Variants in RABGAP1L observed in about 807,000 individuals in gnomAD.
The protein encoded by RABGAP1L is RAB GTPase activating protein 1 like, also known as rab GTPase-activating protein 1-like.
RABGAP1L carries 63 observed loss-of-function variants against 137.7 expected under a neutral mutation model. The ratio of observed to expected loss-of-function variants is 0.46; its 90% CI spans 0.37 to 0.56. The LOEUF (loss-of-function observed/expected upper bound fraction) is 0.56. Among genes scored for constraint, RABGAP1L ranks in the 20% least tolerant of loss-of-function variants. RABGAP1L has a pLI of 0.00. For missense variants in RABGAP1L, 1,095 were observed against 1,244.0 expected (o/e 0.88, Z 1.80); for synonymous variants, 431 against 433.7 (o/e 0.99, Z 0.08).
chr1:174,842,078 A>G (rs1693472567), intron 19 of RABGAP1L, among the ~76,000 whole-genome samples: 1 of 152,208 alleles, frequency 6.6e-6, no homozygotes, highest in South Asian at 2.1e-4. Context: ...TCTCAAAAGA[A>G]TTATTATGTT....
At chr1:174,248,232 G>A (rs1195728173) in intron 5 of RABGAP1L, among the ~76,000 whole-genome samples, 2 of 152,098 alleles carry the variant, frequency 1.3e-5, no homozygotes, top group Non-Finnish European at 1.5e-5. Context: ...CCATCCCCAA[G>A]CACATTCAAC....
chr1:174,859,484 A>G (rs1558158215), intron 19 of RABGAP1L, among the ~76,000 whole-genome samples: 1 of 151,500 alleles, frequency 6.6e-6, no homozygotes, highest in East Asian at 1.9e-4. Context: ...CTCCATCTCA[A>G]AAAAAAAGAA....
intron 11 of RABGAP1L, among the ~76,000 whole-genome samples, chr1:174,323,814 ACACCTTTAGTTTATT>A (rs1360687209): frequency 2.0e-5 from 3 of 152,160 alleles, no homozygotes; most frequent in Admixed American, 6.5e-5. Flanking sequence ...GACAACAAAT[ACACCTTTAGTTTATT>A]CACCATGCAT....
At chr1:174,350,180 G>C (rs1682992465) in intron 11 of RABGAP1L, among the ~76,000 whole-genome samples, 1 of 130,280 alleles carries the variant, frequency 7.7e-6, no homozygotes, top group Non-Finnish European at 1.7e-5. Flanking sequence ...CTGGCCGGGC[G>C]GGGGGCTGAC....
At chr1:174,718,154 A>G (rs1278579648) in intron 17 of RABGAP1L, among the ~76,000 whole-genome samples, 5 of 152,008 alleles carry the variant, frequency 3.3e-5, no homozygotes, top group Non-Finnish European at 7.4e-5. Flanking sequence ...TTCTTATTTT[A>G]TTCTTTTGCC....
At chr1:174,602,742 T>C (rs1670510828) in intron 13 of RABGAP1L, among the ~76,000 whole-genome samples, 1 of 152,206 alleles carries the variant, frequency 6.6e-6, no homozygotes, top group African/African-American at 2.4e-5. Context: ...TGATACATTC[T>C]TCAGTGTGTC....
rs940152176 is a variant in RABGAP1L, at chr1:174,994,276, G to C, written c.*4275G>C. On this transcript the variant is annotated 3_prime_UTR_variant, in exon 26 of 26. Transcript: ENST00000681986. ...CTGATCTTGAGTTGTAATGAGAAAA[G>C]TGGGCATATAGGAGATTTTAGTGAC... The C allele has an allele frequency of 3.3e-5, 5 of 152,186 alleles. No individual in the cohort carries two copies. 9.4% of individuals were successfully genotyped at this position (152,186 alleles called of 1,614,324 possible).
At chr1:174,306,064 T>C (rs991060252) in intron 11 of RABGAP1L, among the ~76,000 whole-genome samples, 2 of 152,214 alleles carry the variant, frequency 1.3e-5, no homozygotes, top group African/African-American at 4.8e-5. Flanking sequence ...GGTTTCCAGC[T>C]TCATCCATGT....
intron 11 of RABGAP1L, among the ~76,000 whole-genome samples, chr1:174,311,035 C>A (rs989364924): frequency 6.6e-6 from 1 of 152,060 alleles, no homozygotes; most frequent in African/African-American, 2.4e-5. Context: ...ACCATCCCCG[C>A]CTCCCCCTGC....
intron 1 of RABGAP1L, among the ~76,000 whole-genome samples, chr1:174,187,358 A>G (rs1666886084): frequency 6.6e-6 from 1 of 152,078 alleles, no homozygotes; most frequent in South Asian, 2.1e-4. Flanking sequence ...CCATCCATAT[A>G]TATTGGGTTT....
At chr1:174,419,503 A>G (rs934611154) in intron 13 of RABGAP1L, among the ~76,000 whole-genome samples, 30 of 152,198 alleles carry the variant, frequency 2.0e-4, no homozygotes, top group African/African-American at 6.8e-4. Context: ...TGTACACTAT[A>G]TCTTACTATT....
chr1:174,890,361 T>C (rs886267801), intron 19 of RABGAP1L, among the ~76,000 whole-genome samples: 1 of 152,214 alleles, frequency 6.6e-6, no homozygotes, highest in African/African-American at 2.4e-5. Context: ...CTGAAGTTCA[T>C]TTTCCTTGTG....
At chr1:174,387,597 G>A (rs1434949465) in intron 12 of RABGAP1L, among the ~76,000 whole-genome samples, 2 of 150,980 alleles carry the variant, frequency 1.3e-5, no homozygotes, top group Non-Finnish European at 1.5e-5. Context: ...TTGATTAACA[G>A]AGAAACAAAT....
intron 10 of RABGAP1L, among the ~76,000 whole-genome samples, chr1:174,304,086 G>A (rs1220833198): frequency 6.6e-6 from 1 of 152,064 alleles, no homozygotes; most frequent in East Asian, 1.9e-4. Context: ...GAGGAAACGT[G>A]CTTGTATTAC....
At chr1:174,814,920 C>G (rs148967900) in intron 19 of RABGAP1L, among the ~76,000 whole-genome samples, 5 of 152,162 alleles carry the variant, frequency 3.3e-5, no homozygotes, top group African/African-American at 1.2e-4. Context: ...ACTCCTGACC[C>G]CAAGTAATCC....
At chr1:174,812,339 A>C (rs895206248) in intron 19 of RABGAP1L, among the ~76,000 whole-genome samples, 3 of 152,230 alleles carry the variant, frequency 2.0e-5, no homozygotes, top group African/African-American at 7.2e-5. Context: ...TCATTTCTCT[A>C]AGTGACTTGG....
intron 1 of RABGAP1L, among the ~76,000 whole-genome samples, chr1:174,185,139 C>G (rs1429079144): frequency 6.6e-6 from 1 of 152,204 alleles, no homozygotes; most frequent in African/African-American, 2.4e-5. Flanking sequence ...AGAGATCTGT[C>G]AGTGCTCTCT....
At chr1:174,357,838 T>C (rs920222172) in intron 11 of RABGAP1L, among the ~76,000 whole-genome samples, 4 of 152,228 alleles carry the variant, frequency 2.6e-5, no homozygotes, top group Non-Finnish European at 5.9e-5. Context: ...GGCATTCAAG[T>C]TTGTTAAATG....
intron 19 of RABGAP1L, among the ~76,000 whole-genome samples, chr1:174,916,039 C>T: frequency 6.8e-6 from 1 of 147,540 alleles, no homozygotes; most frequent in Admixed American, 6.7e-5. Flanking sequence ...TTATAGTTTT[C>T]ACTGTTATAT....
Sources: allele counts gnomAD v4.1 joint callset (sites outside exome capture counted in the v4.1 genomes callset), GRCh38; gene constraint gnomAD v4.1.1; transcripts MANE v1.5; gene names NCBI Gene and HGNC (gene_info 2026-07-23, HGNC 2026-07-21).